Variants in RPS6KC1 observed in about 807,000 individuals in gnomAD.
RPS6KC1 encodes inactive ribosomal protein S6 kinase delta-1.
In RPS6KC1, 54 loss-of-function variants were observed where a neutral mutation model predicts 103.8. That is an observed-to-expected ratio of 0.52 (90% CI 0.42 to 0.65). The LOEUF (loss-of-function observed/expected upper bound fraction) is 0.65, where lower values mean the gene tolerates loss of function less well. Ranked by LOEUF, RPS6KC1 falls within the 30% of genes least tolerant of loss-of-function variation. The pLI is 0.00. For synonymous variants in RPS6KC1, 439 were observed against 438.7 expected, an observed-to-expected ratio of 1.00 and a Z score of -0.01; for missense variants, 1,151 against 1,253.8, an observed-to-expected ratio of 0.92 and a Z score of 1.24.
chr1:213,723,739 A>C, the RPS6KC1 span, among the ~76,000 whole-genome samples: 1 of 152,188 alleles, frequency 6.6e-6, no homozygotes, highest in Admixed American at 6.5e-5. Flanking sequence ...ACCAAGATAA[A>C]TTGAGCACCC....
At chr1:213,443,351 A>T in the RPS6KC1 span, among the ~76,000 whole-genome samples, 1 of 152,186 alleles carries the variant, frequency 6.6e-6, no homozygotes, top group Admixed American at 6.5e-5. Flanking sequence ...TATAGTCCAT[A>T]TACAAATCTG....
At chr1:213,361,092 C>T in the RPS6KC1 span, among the ~76,000 whole-genome samples, 1 of 152,244 alleles carries the variant, frequency 6.6e-6, no homozygotes, top group Non-Finnish European at 1.5e-5. Context: ...AGCTGTCAGA[C>T]AGGGACATTT....
chr1:213,422,945 T>C, the RPS6KC1 span, among the ~76,000 whole-genome samples: 1 of 152,228 alleles, frequency 6.6e-6, no homozygotes, highest in African/African-American at 2.4e-5. Context: ...TGGTCTGAAA[T>C]GTTACACTTG....
At chr1:213,330,559 G>A in the RPS6KC1 span, among the ~76,000 whole-genome samples, 4 of 152,168 alleles carry the variant, frequency 2.6e-5, no homozygotes, top group African/African-American at 9.7e-5. Flanking sequence ...GGTGACTGAT[G>A]TTGAGCAATG....
chr1:213,718,264 C>T, the RPS6KC1 span, among the ~76,000 whole-genome samples: 1 of 152,224 alleles, frequency 6.6e-6, no homozygotes, highest in Non-Finnish European at 1.5e-5. Flanking sequence ...TTTAGCCCCA[C>T]AAAGCCCAGC....
chr1:213,245,477 T>G (rs1002792079), intron 12 of RPS6KC1, among the ~76,000 whole-genome samples: 1 of 152,160 alleles, frequency 6.6e-6, no homozygotes, highest in Non-Finnish European at 1.5e-5. Flanking sequence ...TGTCACAAGA[T>G]TATGATGAGA....
At chr1:213,321,873 G>T in the RPS6KC1 span, among the ~76,000 whole-genome samples, 1 of 152,208 alleles carries the variant, frequency 6.6e-6, no homozygotes, top group Non-Finnish European at 1.5e-5. Flanking sequence ...GCTGTGGGAT[G>T]TCTGGAGAAA....
chr1:213,782,932 C>T, the RPS6KC1 span, among the ~76,000 whole-genome samples: 1 of 152,118 alleles, frequency 6.6e-6, no homozygotes, highest in Non-Finnish European at 1.5e-5. Context: ...CTCCAAGTTG[C>T]CCCCAGAGTT....
chr1:213,491,032 G>A, the RPS6KC1 span, among the ~76,000 whole-genome samples: 1 of 152,184 alleles, frequency 6.6e-6, no homozygotes, highest in African/African-American at 2.4e-5. Context: ...GTTTGGAGCT[G>A]TGTTTGAGGA....
At chr1:213,216,800 A>G (rs1573362899) in intron 8 of RPS6KC1, among the ~76,000 whole-genome samples, 4 of 152,368 alleles carry the variant, frequency 2.6e-5, no homozygotes, top group Admixed American at 6.5e-5. Flanking sequence ...GAAGGCAGAA[A>G]TAAAGATGTT....
At chr1:213,599,001 T>C in the RPS6KC1 span, among the ~76,000 whole-genome samples, 3 of 152,106 alleles carry the variant, frequency 2.0e-5, no homozygotes, top group African/African-American at 7.2e-5. Context: ...ATATCTGGCA[T>C]AAAATGTAAA....
At chr1:213,601,781 C>T in the RPS6KC1 span, among the ~76,000 whole-genome samples, 1 of 151,978 alleles carries the variant, frequency 6.6e-6, no homozygotes, top group African/African-American at 2.4e-5. Context: ...CCATTTAATG[C>T]TATATTGAGT....
chr1:213,746,100 A>T, the RPS6KC1 span, among the ~76,000 whole-genome samples: 32 of 152,326 alleles, frequency 2.1e-4, 1 homozygote, highest in South Asian at 6.6e-3. Flanking sequence ...GCCCTCATGA[A>T]GCTTATATTC....
chr1:213,098,140 G>A (rs142067041), intron 3 of RPS6KC1, among the ~76,000 whole-genome samples: 478 of 152,082 alleles, frequency 3.1e-3, no homozygotes, highest in African/African-American at 0.011. Context: ...CTTCCTTACC[G>A]AGTCTTGCTC....
At chr1:213,580,468 T>C in the RPS6KC1 span, among the ~76,000 whole-genome samples, 2 of 152,130 alleles carry the variant, frequency 1.3e-5, no homozygotes, top group African/African-American at 4.8e-5. Flanking sequence ...GAATATGCCA[T>C]AAACTTACAT....
chr1:213,825,828 C>G, the RPS6KC1 span, among the ~76,000 whole-genome samples: 1 of 152,078 alleles, frequency 6.6e-6, no homozygotes, highest in African/African-American at 2.4e-5. Flanking sequence ...AGAAAATATC[C>G]TTTGCTCATC....
the RPS6KC1 span, chr1:213,832,404 C>A: frequency 2.0e-5 from 3 of 152,190 alleles, no homozygotes; most frequent in East Asian, 5.8e-4. Flanking sequence ...TAACCACATT[C>A]ATAAGCCATC....
At chr1:213,140,396 G>A (rs2149082381) in intron 6 of RPS6KC1, among the ~76,000 whole-genome samples, 1 of 152,120 alleles carries the variant, frequency 6.6e-6, no homozygotes, top group South Asian at 2.1e-4. Flanking sequence ...GGTGAGAGAT[G>A]GCATCTTTGT....
rs1163743858 is a variant in RPS6KC1 at position 213,273,096 on chromosome 1, G to A, written c.*462G>A. On this transcript the variant is annotated 3_prime_UTR_variant, in exon 15 of 15. Transcript: ENST00000366960. ...AAAGTATATGAACAATGTCATCAAT[G>A]AAACTTAAAAGCGAGAAAAAAGAAT... 6.5e-6 allele frequency: 1 copy of A among 154,870 alleles called. No individual in the cohort carries two copies. The highest frequency in any genetic ancestry group is 2.4e-5 in the African/African-American group (1 of 41,450). The allele number at this position is 154,870 out of a possible 1,614,324, so 9.6% of individuals were successfully genotyped here.
Sources: allele counts gnomAD v4.1 joint callset (sites outside exome capture counted in the v4.1 genomes callset), GRCh38; gene constraint gnomAD v4.1.1; transcripts MANE v1.5; gene names NCBI Gene and HGNC (gene_info 2026-07-23, HGNC 2026-07-21).